The following CAST variants were observed in gnomAD, a reference collection of about 807,000 sequenced individuals.
The protein encoded by CAST is MIR583 host.
CAST carries 76 observed loss-of-function variants against 119.6 expected under a neutral mutation model. That is an observed-to-expected ratio of 0.64 (90% CI 0.53 to 0.77). The LOEUF is 0.77. Ranked by LOEUF, CAST falls within the 30% of genes least tolerant of loss-of-function variation. The pLI is 0.00. For synonymous variants in CAST, 319 were observed against 331.6 expected, an observed-to-expected ratio of 0.96 and a Z score of 0.41; for missense variants, 953 against 946.5, an observed-to-expected ratio of 1.01 and a Z score of -0.09.
At chr5:96,173,474 T>G in the CAST span, among the ~76,000 whole-genome samples, 1 of 152,202 alleles carries the variant, frequency 6.6e-6, no homozygotes, top group East Asian at 1.9e-4. Flanking sequence ...AAGTTTAACA[T>G]TTGGAGCAAA....
chr5:96,596,337 G>T (rs904286907), intron 1 of CAST, among the ~76,000 whole-genome samples: 12 of 152,132 alleles, frequency 7.9e-5, no homozygotes, highest in African/African-American at 1.2e-4. Context: ...GTAACTACAA[G>T]CCAAGGAATA....
chr5:96,003,036 G>T, the CAST span, among the ~76,000 whole-genome samples: 2 of 151,956 alleles, frequency 1.3e-5, no homozygotes, highest in African/African-American at 4.8e-5. Flanking sequence ...AGGAGTTCAA[G>T]ACTAGCCTGG....
chr5:96,178,267 C>G, the CAST span, among the ~76,000 whole-genome samples: 1 of 152,138 alleles, frequency 6.6e-6, no homozygotes, highest in East Asian at 1.9e-4. Flanking sequence ...CTTTGCCCAT[C>G]ATTAGCAATG....
chr5:96,087,811 A>G, the CAST span, among the ~76,000 whole-genome samples: 2 of 152,118 alleles, frequency 1.3e-5, no homozygotes, highest in African/African-American at 2.4e-5. Flanking sequence ...GGCAACAGCA[A>G]CCTCTACCCA....
intron 3 of CAST, among the ~76,000 whole-genome samples, chr5:96,715,829 A>G (rs1036580681): frequency 1.3e-5 from 2 of 152,214 alleles, no homozygotes; most frequent in Admixed American, 1.3e-4. Flanking sequence ...GTCAAATACT[A>G]TGTTCTGAGA....
At chr5:96,232,838 TATTA>T in the CAST span, among the ~76,000 whole-genome samples, 873 of 152,184 alleles carry the variant, frequency 5.7e-3, 14 homozygotes, top group Non-Finnish European at 6.1e-3. Context: ...TTCATAAAAG[TATTA>T]ATTTACTCCA....
the CAST span, among the ~76,000 whole-genome samples, chr5:96,070,376 A>G: frequency 6.6e-6 from 1 of 152,194 alleles, no homozygotes; most frequent in East Asian, 1.9e-4. Context: ...CAGAGTCACT[A>G]TCTGTGATGA....
intron 1 of CAST, among the ~76,000 whole-genome samples, chr5:96,544,914 G>C (rs867128433): frequency 1.3e-5 from 2 of 151,802 alleles, no homozygotes; most frequent in African/African-American, 2.4e-5. Context: ...GTTATGAAGA[G>C]AGATATATTG....
intron 1 of CAST, among the ~76,000 whole-genome samples, chr5:96,630,101 C>T (rs1446052822): frequency 6.6e-6 from 1 of 152,178 alleles, no homozygotes. Flanking sequence ...GGAGCACTGT[C>T]CTAAGAACTG....
chr5:96,520,932 T>G (rs925192143), upstream of CAST, among the ~76,000 whole-genome samples: 1 of 152,134 alleles, frequency 6.6e-6, no homozygotes, highest in African/African-American at 2.4e-5. Context: ...TGCCAGGAGC[T>G]CTATTAAAAT....
intron 1 of CAST, among the ~76,000 whole-genome samples, chr5:96,544,566 A>C (rs1745970631): frequency 6.6e-6 from 1 of 151,864 alleles, no homozygotes; most frequent in South Asian, 2.1e-4. Context: ...CTGGGATTAG[A>C]TTAGTTGTAA....
chr5:96,320,981 C>T, the CAST span, among the ~76,000 whole-genome samples: 1 of 152,096 alleles, frequency 6.6e-6, no homozygotes, highest in South Asian at 2.1e-4. Flanking sequence ...AGATGAGTTC[C>T]TACAAAATCT....
At chr5:96,399,953 C>T in the CAST span, 1 of 1,609,198 alleles carries the variant, frequency 6.2e-7, no homozygotes, top group Admixed American at 1.7e-5. Context: ...AGATACTTAC[C>T]TGGGCTCAAA....
the CAST span, among the ~76,000 whole-genome samples, chr5:96,128,919 G>T: frequency 1.3e-5 from 2 of 152,160 alleles, no homozygotes; most frequent in East Asian, 3.9e-4. Context: ...CACTTGAAAA[G>T]CTGTGAAAGT....
intron 27 of CAST, 100 bp downstream of exon 27, chr5:96,766,245 A>G: frequency 3.0e-6 from 2 of 673,714 alleles, no homozygotes; most frequent in South Asian, 1.8e-5. Flanking sequence ...TTACAATAGC[A>G]TAAAACATAC....
chr5:96,065,213 A>G, the CAST span, among the ~76,000 whole-genome samples: 1 of 152,060 alleles, frequency 6.6e-6, no homozygotes, highest in South Asian at 2.1e-4. Flanking sequence ...TTATTTCTTA[A>G]AACTTTGAAA....
the CAST span, among the ~76,000 whole-genome samples, chr5:96,119,219 A>T: frequency 3.9e-5 from 6 of 152,168 alleles, no homozygotes; most frequent in African/African-American, 1.4e-4. Flanking sequence ...AGGTATTTGG[A>T]ATGGAGACCA....
the CAST span, among the ~76,000 whole-genome samples, chr5:96,421,005 A>C: frequency 2.6e-5 from 4 of 152,228 alleles, no homozygotes; most frequent in African/African-American, 9.6e-5. Flanking sequence ...TTCTGTGTAG[A>C]GAAAATGAAA....
the CAST span, among the ~76,000 whole-genome samples, chr5:96,227,934 A>T: frequency 6.6e-6 from 1 of 152,178 alleles, no homozygotes; most frequent in Admixed American, 6.5e-5. Flanking sequence ...AAAAATAAAA[A>T]GTGCCTTGAT....
Sources: allele counts gnomAD v4.1 joint callset (sites outside exome capture counted in the v4.1 genomes callset), GRCh38; gene constraint gnomAD v4.1.1; transcripts MANE v1.5; gene names NCBI Gene and HGNC (gene_info 2026-07-23, HGNC 2026-07-21).